The following HEATR4 variants were observed in gnomAD, a reference collection of about 807,000 sequenced individuals.
The protein encoded by HEATR4 is HEAT repeat containing 4.
Under a neutral mutation model 108.8 loss-of-function variants are expected in HEATR4, and 95 were observed. That is an observed-to-expected ratio of 0.87 (90% CI 0.74 to 1.04). The LOEUF (loss-of-function observed/expected upper bound fraction) is 1.04. Among genes scored for constraint, HEATR4 ranks in the 50% least tolerant of loss-of-function variants. HEATR4 has a pLI of 0.00. For synonymous variants in HEATR4, 443 were observed against 459.4 expected (o/e 0.96, Z 0.46); for missense variants, 1,152 against 1,253.8 (o/e 0.92, Z 1.23).
At chr14:73,493,192 G>T in intron 16 of HEATR4, 68 bp from the exon 17 acceptor site, 1 of 1,293,560 alleles carries the variant, frequency 7.7e-7, no homozygotes, top group Non-Finnish European at 1.1e-6. Context: ...TCATTTCAGA[G>T]CACCAACTTC....
chr14:73,586,784 C>G, the HEATR4 span, among the ~76,000 whole-genome samples: 2 of 151,776 alleles, frequency 1.3e-5, no homozygotes, highest in African/African-American at 4.8e-5. Context: ...GATCATAGCT[C>G]AACTGCAGCC....
the HEATR4 span, among the ~76,000 whole-genome samples, chr14:73,574,028 A>T: frequency 9.5e-6 from 1 of 104,756 alleles, no homozygotes. Context: ...GCCCAGCCTA[A>T]TATTTGTATT....
At chr14:73,484,799 A>G (rs1885383043) in intron 17 of HEATR4, among the ~76,000 whole-genome samples, 1 of 151,396 alleles carries the variant, frequency 6.6e-6, no homozygotes, top group African/African-American at 2.4e-5. Flanking sequence ...CAGATATTCA[A>G]CTATGCAGGC....
At chr14:73,493,313 G>A (rs1329741850) in intron 16 of HEATR4, 189 bp from the exon 17 acceptor site, 4 of 568,218 alleles carry the variant, frequency 7.0e-6, no homozygotes, top group Non-Finnish European at 1.3e-5. Flanking sequence ...CTTTTTCATG[G>A]GCGGGTCGGG....
the HEATR4 span, among the ~76,000 whole-genome samples, chr14:73,566,752 C>T: frequency 1.3e-5 from 2 of 152,180 alleles, no homozygotes; most frequent in Non-Finnish European, 2.9e-5. Flanking sequence ...GAGACGGCTC[C>T]GGCCTTGGCC....
chr14:73,524,293 C>CAAAAAA (rs1160344592), intron 2 of HEATR4, among the ~76,000 whole-genome samples: 35 of 56,644 alleles, frequency 6.2e-4, no homozygotes, highest in Non-Finnish European at 7.0e-4. Context: ...AACTCCGTCT[C>CAAAAAA]AAAAAAAAAA....
chr14:73,579,284 A>C, the HEATR4 span, among the ~76,000 whole-genome samples: 18 of 147,878 alleles, frequency 1.2e-4, no homozygotes, highest in Middle Eastern at 3.2e-3. Context: ...AAAAAAAAAA[A>C]AAAAAAAAAA....
intron 12 of HEATR4, 93 bp downstream of exon 12, chr14:73,500,457 C>G: frequency 1.5e-6 from 2 of 1,295,552 alleles, no homozygotes; most frequent in East Asian, 2.3e-5. Flanking sequence ...TTCTGTGTCC[C>G]CACAGAATGT....
chr14:73,501,991 C>T (rs532135433), intron 11 of HEATR4, among the ~76,000 whole-genome samples: 13 of 151,794 alleles, frequency 8.6e-5, no homozygotes, highest in Non-Finnish European at 1.9e-4. Flanking sequence ...GTGATCCACC[C>T]GCCTCGGCCT....
At chr14:73,590,412 T>C in the HEATR4 span, among the ~76,000 whole-genome samples, 9 of 152,242 alleles carry the variant, frequency 5.9e-5, no homozygotes, top group African/African-American at 1.9e-4. Context: ...TCCAGCTGGC[T>C]TCACCCAGTG....
chr14:73,509,490 C>A lies in HEATR4; in HGVS notation c.1559-17G>T. On this transcript the variant is annotated splice_polypyrimidine_tract_variant and intron_variant, in intron 7 of 17. Coordinates refer to ENST00000553558, the MANE Select transcript of HEATR4 (RefSeq NM_001220484.1). ...TGGTCTTGTCTGTGATCAAAAGAGC[C>A]AGGTAAGAGAGTACTAGCCCCTTTG... The A allele has an allele frequency of 6.2e-7, 1 of 1,612,924 alleles. No homozygotes were observed. The highest frequency in any genetic ancestry group is 8.5e-7 in the Non-Finnish European group (1 of 1,179,660).
the HEATR4 span, among the ~76,000 whole-genome samples, chr14:73,597,308 T>A: frequency 6.6e-6 from 1 of 151,706 alleles, no homozygotes; most frequent in African/African-American, 2.4e-5. Flanking sequence ...ATGGTCTCGA[T>A]CTCCTGACCT....
upstream of HEATR4, among the ~76,000 whole-genome samples, chr14:73,561,105 C>T (rs1036616098): frequency 8.5e-5 from 13 of 152,074 alleles, no homozygotes; most frequent in African/African-American, 3.1e-4. Context: ...GTGGCTCAGG[C>T]CTGTAATCCC....
chr14:73,586,837 T>C, the HEATR4 span, among the ~76,000 whole-genome samples: 1 of 152,060 alleles, frequency 6.6e-6, no homozygotes, highest in African/African-American at 2.4e-5. Flanking sequence ...CCAGCCTCCC[T>C]GAGTAGCTGA....
chr14:73,569,951 G>T, the HEATR4 span: 2 of 1,513,972 alleles, frequency 1.3e-6, no homozygotes, highest in Non-Finnish European at 8.8e-7. Flanking sequence ...CCCGCCCCAC[G>T]CTTTTCGCTT....
rs538228339 is a variant in HEATR4, at chr14:73,547,980, G to A, written c.-152+10771C>T. 1.0e-4 allele frequency among the ~76,000 whole-genome samples: 12 copies of A among 115,320 alleles called. 1 individual carries two copies. Among genetic ancestry groups the A allele is most frequent in the African/African-American group, 3.4e-4 (12 of 35,574 alleles). The allele number at this position is 115,320 out of a possible 152,430, so 75.7% of individuals were successfully genotyped here. A position where few individuals can be genotyped will look rare whatever the true frequency, so the allele number is the denominator to read the frequency against. On this transcript the variant is annotated intron_variant, in intron 1 of 17. Transcript: ENST00000553558. ...AGACAGGCTCTGGCCAGGCTGGAGTGCAGTGGTGCCATCATAGCTCATTGT... is the reference window on the plus strand; with the variant it reads ...AGACAGGCTCTGGCCAGGCTGGAGTACAGTGGTGCCATCATAGCTCATTGT...
chr14:73,626,602 A>T, the HEATR4 span, among the ~76,000 whole-genome samples: 1 of 152,066 alleles, frequency 6.6e-6, no homozygotes, highest in Non-Finnish European at 1.5e-5. Flanking sequence ...CTGAGGAAGA[A>T]GGATCACTTG....
the HEATR4 span, chr14:73,595,238 G>C: frequency 1.2e-6 from 2 of 1,614,080 alleles, no homozygotes; most frequent in African/African-American, 2.7e-5. Context: ...GAGAATCAAG[G>C]TAGCTTTCTC....
chr14:73,492,016 C>A lies in HEATR4; in HGVS notation c.2844+1050G>T. 1.2e-6 allele frequency: 2 copies of A among 1,614,042 alleles called. No homozygotes were observed. The highest frequency in any genetic ancestry group is 4.5e-5 in the East Asian group (2 of 44,880). On this transcript the variant is annotated intron_variant, in intron 17 of 17. Transcript: ENST00000553558. This position sits in a 1 kb window ranked among gnomAD's most constrained non-coding sequence, Gnocchi z 4.9. ...CCAACGTTTACCTCACGCCCCCTAACTCGCAGGGCTTTGCCCCCCACTACG... is the reference window on the plus strand; with the variant it reads ...CCAACGTTTACCTCACGCCCCCTAAATCGCAGGGCTTTGCCCCCCACTACG...
Sources: gnomAD v4.1 joint callset for allele counts (sites outside exome capture counted in the v4.1 genomes callset) on GRCh38, gnomAD v4.1.1 for gene constraint, Gnocchi (gnomAD v3.1) non-coding constraint, MANE v1.5 for transcripts, NCBI Gene and HGNC (gene_info 2026-07-23, HGNC 2026-07-21) for gene names.